The following LTBP2 variants were observed in gnomAD, a reference collection of about 807,000 sequenced individuals.
The protein encoded by LTBP2 is latent transforming growth factor beta binding protein 2.
In LTBP2, 103 loss-of-function variants were observed where a neutral mutation model predicts 210.6. That is an observed-to-expected ratio of 0.49 (90% CI 0.42 to 0.58). The LOEUF (loss-of-function observed/expected upper bound fraction) is 0.58. Ranked by LOEUF, LTBP2 falls within the 20% of genes least tolerant of loss-of-function variation. LTBP2 has a pLI of 0.00. For missense variants in LTBP2, 2,313 were observed against 2,494.5 expected (o/e 0.93, Z 1.55); for synonymous variants, 1,007 against 1,015.0 (o/e 0.99, Z 0.15).
intron 3 of LTBP2, among the ~76,000 whole-genome samples, chr14:74,581,025 G>A (rs965306997): frequency 2.6e-5 from 4 of 152,222 alleles, no homozygotes; most frequent in Non-Finnish European, 4.4e-5. Context: ...TGAGGTGGGA[G>A]CATCTCCAGC....
chr14:74,529,202 G>T, intron 10 of LTBP2, 80 bp from the exon 11 acceptor site: 3 of 1,508,792 alleles, frequency 2.0e-6, no homozygotes, highest in South Asian at 1.2e-5. Context: ...GTGGATGGAG[G>T]TGTGGCTGGC....
intron 3 of LTBP2, among the ~76,000 whole-genome samples, chr14:74,565,146 G>A (rs1219241361): frequency 6.6e-6 from 1 of 152,166 alleles, no homozygotes; most frequent in Non-Finnish European, 1.5e-5. Flanking sequence ...CTGAGTGCCT[G>A]TTACAGGCCA....
intron 8 of LTBP2, among the ~76,000 whole-genome samples, chr14:74,543,395 A>AAAAC (rs2087535703): frequency 6.6e-6 from 1 of 151,590 alleles, no homozygotes; most frequent in Admixed American, 6.6e-5. Context: ...AAAAAAAAAA[A>AAAAC]AACAGTGAGG....
intron 3 of LTBP2, among the ~76,000 whole-genome samples, chr14:74,574,931 G>A (rs537961694): frequency 2.6e-5 from 4 of 152,338 alleles, no homozygotes; most frequent in Admixed American, 1.3e-4. Flanking sequence ...TGCCCCATGT[G>A]GGGAGAAGGC....
intron 2 of LTBP2, among the ~76,000 whole-genome samples, chr14:74,589,500 C>A (rs2088251860): frequency 6.6e-6 from 1 of 152,232 alleles, no homozygotes; most frequent in Non-Finnish European, 1.5e-5. Context: ...CATTTTTCTT[C>A]ATGCCCAGGC....
chr14:74,534,918 T>C (rs931882144), intron 9 of LTBP2, among the ~76,000 whole-genome samples: 20 of 152,048 alleles, frequency 1.3e-4, no homozygotes, highest in Admixed American at 1.3e-3. Flanking sequence ...AGAGAGCCCA[T>C]TTGAGATCCT....
intron 2 of LTBP2, among the ~76,000 whole-genome samples, chr14:74,592,476 G>A (rs746445486): frequency 7.2e-5 from 11 of 152,084 alleles, no homozygotes; most frequent in Admixed American, 2.0e-4. Context: ...GCCCAGCCTG[G>A]GCAACAGACC....
At chr14:74,529,646 C>T (rs546111253) in intron 10 of LTBP2, among the ~76,000 whole-genome samples, 4 of 152,270 alleles carry the variant, frequency 2.6e-5, no homozygotes, top group African/African-American at 9.6e-5. Flanking sequence ...TGAAGCTATG[C>T]GTGGATGGCT....
Position 74,586,133 on chromosome 14 carries a change from A to C in LTBP2, c.566-15T>G, listed in dbSNP as rs750531062. 68 of 1,587,448 alleles carry C rather than the reference A, an allele frequency of 4.3e-5. No homozygotes were observed. The highest frequency in any genetic ancestry group is 9.4e-6 in the Non-Finnish European group (11 of 1,168,060). ...CTCGCAAACGGCTGAGGACACAGGGAGAGAGGTGACAGCAGTGGCCATAGG... is the reference window on the plus strand; with the variant it reads ...CTCGCAAACGGCTGAGGACACAGGGCGAGAGGTGACAGCAGTGGCCATAGG... On this transcript the variant is annotated splice_polypyrimidine_tract_variant and intron_variant, in intron 2 of 35. Coordinates refer to ENST00000261978, the MANE Select transcript of LTBP2 (RefSeq NM_000428.3). This position sits in a 1 kb window ranked among gnomAD's most constrained non-coding sequence, Gnocchi z 4.6.
chr14:74,552,290 C>G lies in LTBP2; in HGVS notation c.1296G>C (p.Pro432=), dbSNP rs143214774. Residue 432 remains proline, a synonymous_variant, in exon 6 of 36, where the codon CCG becomes CCC. Coordinates refer to ENST00000261978, the MANE Select transcript of LTBP2 (RefSeq NM_000428.3). The part of the protein sequence containing the change: ...STGKFCHLPI[P]QPDREPPGRG... ...TCCCTGGAGGCTCCCTGTCCGGCTG[C>G]GGGATAGGCAGGTGGCAGAACTTCC... The G allele has an allele frequency of 6.2e-7, 1 of 1,613,328 alleles. No homozygotes were observed. The highest frequency in any genetic ancestry group is 8.5e-7 in the Non-Finnish European group (1 of 1,179,950).
At chr14:74,597,619 G>A (rs190668010) in intron 2 of LTBP2, among the ~76,000 whole-genome samples, 7 of 152,322 alleles carry the variant, frequency 4.6e-5, no homozygotes, top group Admixed American at 2.0e-4. Context: ...TAATCACCTC[G>A]TTGGACAAAG....
At chr14:74,530,582 C>T (rs6574181) in intron 10 of LTBP2, among the ~76,000 whole-genome samples, 44,734 of 152,138 alleles carry the variant, frequency 0.29, 6,930 homozygotes, top group African/African-American at 0.38. Context: ...GTGGCACGAT[C>T]TCGGCTCACT....
chr14:74,509,693 C>CTA, intron 21 of LTBP2, 41 bp downstream of exon 21: 1 of 1,613,468 alleles, frequency 6.2e-7, no homozygotes, highest in South Asian at 1.1e-5. Context: ...GTAAGACAGC[C>CTA]TATATTCTGT....
chr14:74,544,493 T>C (rs536717892), intron 8 of LTBP2, among the ~76,000 whole-genome samples: 4 of 152,128 alleles, frequency 2.6e-5, no homozygotes, highest in Admixed American at 6.5e-5. Context: ...TCTGAATAAA[T>C]GGTTGTGAAT....
In LTBP2 at chr14:74,603,681, G is replaced by A. The variant is rs765629332; in HGVS notation, c.519C>T (p.Cys173=). 8.7e-6 allele frequency: 14 copies of A among 1,614,066 alleles called. No homozygotes were observed. The highest frequency in any genetic ancestry group is 3.3e-4 in the Middle Eastern group (2 of 6,084). Residue 173 remains cysteine (C), a synonymous_variant, in exon 2 of 36, where the codon TGC becomes TGT. Coordinates refer to ENST00000261978, the MANE Select transcript of LTBP2 (RefSeq NM_000428.3). ...TGTTTGCTGTTGTCCATCCTGGGCA[G>A]CACTGTCCCCCGCAGACGTTCCTCC... ...LTGRNVCGGQ[C]CPGWTTANST...
At chr14:74,559,692 T>A (rs918428445) in intron 3 of LTBP2, 1 of 152,210 alleles carries the variant, frequency 6.6e-6, no homozygotes, top group African/African-American at 2.4e-5. Context: ...AGCCTTGTGT[T>A]ATCTTTGCAC....
chr14:74,609,856 A>G (rs886914249), intron 1 of LTBP2, among the ~76,000 whole-genome samples: 1 of 152,244 alleles, frequency 6.6e-6, no homozygotes, highest in Non-Finnish European at 1.5e-5. Context: ...CTGGGCCTCC[A>G]TCCCCTTTCC....
intron 2 of LTBP2, among the ~76,000 whole-genome samples, chr14:74,602,130 C>T (rs910858312): frequency 1.6e-4 from 24 of 152,174 alleles, no homozygotes; most frequent in African/African-American, 5.6e-4. Flanking sequence ...CGGGAGTGAA[C>T]GAAGCCCAGG....
Position 74,508,728 on chromosome 14 carries a change from A to T in LTBP2, c.3528T>A (p.Asp1176Glu), listed in dbSNP as rs754605299. 5 of 1,613,666 alleles carry T rather than the reference A, an allele frequency of 3.1e-6. No individual in the cohort carries two copies. The Admixed American group carries it at 8.3e-5, about 27-fold the overall frequency. Residue 1176 changes from aspartate to glutamate, a missense_variant and splice_region_variant, in exon 24 of 36, where the codon GAT becomes GAA. Around this residue, in one of 3 missense-constraint regions of LTBP2, gnomAD observed 1,867 missense variants for 1,976.9 expected, o/e 0.94. Coordinates refer to ENST00000261978, the MANE Select transcript of LTBP2 (RefSeq NM_000428.3). ...FQLANGTVCE[D>E]VNECMGEEHC... ...GCTCCTCCCCCATGCACTCATTCACATCTGCAGGGAAAAGATGGGGAGTGG... is the reference window on the plus strand; with the variant it reads ...GCTCCTCCCCCATGCACTCATTCACTTCTGCAGGGAAAAGATGGGGAGTGG...
Sources: allele counts gnomAD v4.1 joint callset (sites outside exome capture counted in the v4.1 genomes callset), GRCh38; gene constraint gnomAD v4.1.1; regional missense constraint gnomAD v4.1.1; non-coding constraint Gnocchi (gnomAD v3.1); transcripts MANE v1.5; gene names NCBI Gene and HGNC (gene_info 2026-07-23, HGNC 2026-07-21).